MYBL2: variants seen among roughly 807,000 people sequenced by gnomAD.
MYBL2 encodes the protein myb-related protein B.
In MYBL2, 28 loss-of-function variants were observed where a neutral mutation model predicts 79.9. That is an observed-to-expected ratio of 0.35 (90% confidence interval 0.26 to 0.48). The LOEUF (loss-of-function observed/expected upper bound fraction) is 0.48, where lower values mean the gene tolerates loss of function less well. Ranked by LOEUF, MYBL2 falls within the 20% of genes least tolerant of loss-of-function variation. The pLI, the probability that MYBL2 is intolerant of heterozygous loss-of-function variation, is 0.99. For missense variants in MYBL2, 735 were observed against 893.9 expected (o/e 0.82, Z 2.27); for synonymous variants, 378 against 361.2 (o/e 1.05, Z -0.53).
At chr20:43,681,707 A>G in intron 2 of MYBL2, 77 bp from the exon 3 acceptor site, 1 of 1,439,324 alleles carries the variant, frequency 6.9e-7, no homozygotes, top group Non-Finnish European at 9.8e-7. Flanking sequence ...GTTCTTTTAG[A>G]TTGGGCTCTG....
intron 2 of MYBL2, among the ~76,000 whole-genome samples, chr20:43,678,971 A>G (rs894588484): frequency 6.7e-6 from 1 of 149,940 alleles, no homozygotes; most frequent in Non-Finnish European, 1.5e-5. Flanking sequence ...GGCTGTGGAG[A>G]GGGCAGTGCG....
Position 43,702,941 on chromosome 20 carries a change from A to G in MYBL2, c.1365+38A>G, listed in dbSNP as rs1210172326. The G allele has an allele frequency of 1.9e-6, 3 of 1,550,624 alleles. No individual in the cohort carries two copies. The East Asian group carries it at 6.8e-5, about 35-fold the overall frequency. ...CACTCTGGCTGCTTATTGGGTCGGT[A>G]CAGACACCTAGTGTTCAGTGCTGGG... On this transcript the variant is annotated intron_variant, in intron 8 of 13. Coordinates refer to ENST00000217026, the MANE Select transcript of MYBL2 (RefSeq NM_002466.4).
chr20:43,696,551 A>G (rs995649034), intron 6 of MYBL2, among the ~76,000 whole-genome samples: 3 of 152,276 alleles, frequency 2.0e-5, no homozygotes, highest in African/African-American at 4.8e-5. Context: ...CTCTTTTACA[A>G]CTTTCTTTTT....
In MYBL2 at chr20:43,669,933, G is replaced by A. The variant is rs1466538693; in HGVS notation, c.20+2630G>A. 2.0e-5 allele frequency among the ~76,000 whole-genome samples: 3 copies of A among 152,144 alleles called. No individual in the cohort carries two copies. In the South Asian group the frequency reaches 6.2e-4, roughly 32 times the overall value. On this transcript the variant is annotated intron_variant, in intron 1 of 13. Coordinates refer to ENST00000217026, the MANE Select transcript of MYBL2 (RefSeq NM_002466.4). Reference sequence around the variant, plus strand: ...CTTGACCAATATGGTGAAACTCCTCGTCTCTACCAAAAATACAAAAATTAG... The same window carrying A: ...CTTGACCAATATGGTGAAACTCCTCATCTCTACCAAAAATACAAAAATTAG...
intron 6 of MYBL2, among the ~76,000 whole-genome samples, chr20:43,697,301 A>G (rs1217122002): frequency 6.6e-6 from 1 of 152,132 alleles, no homozygotes; most frequent in African/African-American, 2.4e-5. Flanking sequence ...TTATTAAAAT[A>G]TAATTGACAA....
chr20:43,703,038 T>A, intron 8 of MYBL2, 135 bp downstream of exon 8: 2 of 961,832 alleles, frequency 2.1e-6, no homozygotes, highest in Non-Finnish European at 3.0e-6. Flanking sequence ...ACCAGGTAAC[T>A]AAAAAAGACT....
chr20:43,696,938 G>A (rs1402200547), intron 6 of MYBL2, among the ~76,000 whole-genome samples: 2 of 152,304 alleles, frequency 1.3e-5, no homozygotes, highest in African/African-American at 4.8e-5. Flanking sequence ...TGTTGGCCAG[G>A]ATGGTCTCGA....
intron 9 of MYBL2, among the ~76,000 whole-genome samples, chr20:43,706,798 C>T (rs1370484814): frequency 7.1e-6 from 1 of 141,646 alleles, no homozygotes; most frequent in Non-Finnish European, 1.5e-5. Context: ...TCACTGCAAC[C>T]TCCGCCTCCC....
intron 12 of MYBL2, among the ~76,000 whole-genome samples, 191 bp from the exon 13 acceptor site, chr20:43,714,943 T>C (rs1370066228): frequency 1.3e-5 from 2 of 152,234 alleles, no homozygotes; most frequent in African/African-American, 4.8e-5. Context: ...GCTTAATCTT[T>C]TAAGTATAAA....
intron 2 of MYBL2, among the ~76,000 whole-genome samples, chr20:43,677,222 A>G (rs1440016638): frequency 5.3e-5 from 8 of 152,232 alleles, no homozygotes; most frequent in Non-Finnish European, 1.2e-4. Context: ...ACCCCAGAGC[A>G]GATTTCTCTC....
intron 4 of MYBL2, among the ~76,000 whole-genome samples, chr20:43,686,235 G>T (rs1288677065): frequency 6.6e-6 from 1 of 152,212 alleles, no homozygotes; most frequent in Non-Finnish European, 1.5e-5. Flanking sequence ...GCGTGTGTCT[G>T]TTGTGTAGGT....
intron 9 of MYBL2, among the ~76,000 whole-genome samples, chr20:43,709,213 T>G (rs1987851658): frequency 6.6e-6 from 1 of 152,098 alleles, no homozygotes; most frequent in African/African-American, 2.4e-5. Flanking sequence ...TGGTGGTATC[T>G]CCAGGTGACT....
intron 7 of MYBL2, among the ~76,000 whole-genome samples, chr20:43,700,586 G>T (rs183191804): frequency 6.6e-6 from 1 of 152,184 alleles, no homozygotes; most frequent in African/African-American, 2.4e-5. Context: ...TGGCTGCATC[G>T]GCCAGGCCTG....
intron 6 of MYBL2, among the ~76,000 whole-genome samples, chr20:43,698,769 A>T (rs1568868540): frequency 6.7e-6 from 1 of 149,654 alleles, no homozygotes; most frequent in Non-Finnish European, 1.5e-5. Context: ...CATGAACTCA[A>T]GGGGTCCTCT....
intron 4 of MYBL2, among the ~76,000 whole-genome samples, chr20:43,684,676 C>T (rs1367295744): frequency 3.3e-5 from 5 of 151,678 alleles, no homozygotes; most frequent in East Asian, 1.9e-4. Context: ...GCTGGCACTT[C>T]GCCTTAAAAT....
At chr20:43,676,635 T>C (rs1987016301) in intron 2 of MYBL2, among the ~76,000 whole-genome samples, 1 of 152,252 alleles carries the variant, frequency 6.6e-6, no homozygotes, top group South Asian at 2.1e-4. Flanking sequence ...GATTCTTGCA[T>C]AAGTCTTTTT....
intron 6 of MYBL2, among the ~76,000 whole-genome samples, chr20:43,699,145 TCTC>T (rs1987626401): frequency 6.6e-6 from 1 of 152,114 alleles, no homozygotes; most frequent in Admixed American, 6.6e-5. Flanking sequence ...TTCAAGCAAT[TCTC>T]CTGCCTCAGC....
rs187305946 is a variant in MYBL2, at chr20:43,678,166, G to A, written c.115-3618G>A. Among the ~76,000 whole-genome samples, 8 of 152,118 alleles carry A rather than the reference G, an allele frequency of 5.3e-5. No homozygotes were observed. The East Asian group carries it at 1.2e-3, about 22-fold the overall frequency. ...AAGTACCCAGGGACACAAACACTGCGGAAGGCCGCAGGGTCCTCTGCCTAG... is the reference window on the plus strand; with the variant it reads ...AAGTACCCAGGGACACAAACACTGCAGAAGGCCGCAGGGTCCTCTGCCTAG... On this transcript the variant is annotated intron_variant, in intron 2 of 13. Transcript: ENST00000217026.
chr20:43,692,140 C>T lies in MYBL2; in HGVS notation c.501-17C>T. On this transcript the variant is annotated splice_polypyrimidine_tract_variant and intron_variant, in intron 5 of 13. Coordinates refer to ENST00000217026, the MANE Select transcript of MYBL2 (RefSeq NM_002466.4). The stretch of plus-strand genomic sequence containing the variant: ...CCACAGAGCTGGGGTTCAAAGGCCC[C>T]CTGCTGCCCCCTGCAGGACAGACAA... 6.2e-7 allele frequency: 1 copy of T among 1,611,134 alleles called. No individual in the cohort carries two copies. Among genetic ancestry groups the T allele is most frequent in the Non-Finnish European group, 8.5e-7 (1 of 1,178,170 alleles).
Sources: allele counts gnomAD v4.1 joint callset (sites outside exome capture counted in the v4.1 genomes callset), GRCh38; gene constraint gnomAD v4.1.1; transcripts MANE v1.5; gene names NCBI Gene and HGNC (gene_info 2026-07-23, HGNC 2026-07-21).